Variants in PRR19 observed in about 807,000 individuals in gnomAD.
PRR19 encodes the protein proline rich 19.
In PRR19, 9 loss-of-function variants were observed where a neutral mutation model predicts 19.2. The ratio of observed to expected loss-of-function variants is 0.47; its 90% CI spans 0.28 to 0.82. PRR19 has a LOEUF of 0.82. Ranked by LOEUF, PRR19 falls within the 40% of genes least tolerant of loss-of-function variation. The pLI is 0.11. For synonymous variants in PRR19, 190 were observed against 191.0 expected (o/e 0.99, Z 0.04); for missense variants, 457 against 466.0 (o/e 0.98, Z 0.18).
chr19:42,309,468 C>T lies in PRR19; in HGVS notation c.-6-111C>T, dbSNP rs1721589683. Reference sequence around the variant, plus strand: ...AAGTGATCGGCCTGCCTTGGCCTACCCCAGTGTTGGTATTACAGGCATAAG... The same window carrying T: ...AAGTGATCGGCCTGCCTTGGCCTACTCCAGTGTTGGTATTACAGGCATAAG... On this transcript the variant is annotated intron_variant, in intron 1 of 2. Transcript: ENST00000341747. The T allele has an allele frequency of 5.1e-6, 4 of 788,438 alleles. No individual in the cohort carries two copies. In the South Asian group the frequency reaches 7.7e-5, roughly 15 times the overall value. 48.8% of individuals were successfully genotyped at this position (788,438 alleles called of 1,614,324 possible).
chr19:42,309,634 C>A lies in PRR19; in HGVS notation c.50C>A (p.Pro17His). ...VSQPFQQPEK[P>H]GRVRRRKTRR... ...CAGCCTTTTCAGCAGCCTGAGAAACCTGGTCGTGTCCGTCGTCGGAAGACT... is the reference window on the plus strand; with the variant it reads ...CAGCCTTTTCAGCAGCCTGAGAAACATGGTCGTGTCCGTCGTCGGAAGACT... Residue 17 changes from proline to histidine, a missense_variant, in exon 2 of 3, where the codon CCT becomes CAT. Physicochemically the swap from Pro to His is moderately conservative, Grantham distance 77 (BLOSUM62 -2). Transcript: ENST00000341747. 1 of 1,551,940 alleles carries A rather than the reference C, an allele frequency of 6.4e-7. No homozygotes were observed. The highest frequency in any genetic ancestry group is 8.7e-7 in the Non-Finnish European group (1 of 1,145,306).
chr19:42,302,155 G>C lies in PRR19; in HGVS notation c.-355G>C. On this transcript the variant is annotated 5_prime_UTR_variant, in exon 1 of 3. Coordinates refer to ENST00000341747, the MANE Select transcript of PRR19 (RefSeq NM_199285.3). ...TCAGTTTCCCAATCAGGTAGTGAGA[G>C]TGGCACGAACCAGCCGTTCTCCTGA... is the stretch of plus-strand genomic sequence containing the variant. 1.3e-6 allele frequency: 2 copies of C among 1,495,962 alleles called. No individual in the cohort carries two copies. Among genetic ancestry groups the C allele is most frequent in the Non-Finnish European group, 1.8e-6 (2 of 1,098,426 alleles). 92.7% of individuals were successfully genotyped at this position (1,495,962 alleles called of 1,614,324 possible).
At position 42,310,150 on chromosome 19, in the gene PRR19, C is replaced by T. The variant is rs78579884; in HGVS notation, c.566C>T (p.Ala189Val). The T allele has an allele frequency of 9.0e-5, 145 of 1,614,110 alleles. 2 individuals are homozygous for T. In the African/African-American group the frequency reaches 1.4e-3, roughly 16 times the overall value. The stretch of plus-strand genomic sequence containing the variant: ...TGTCATGGTTGTGTGCCTGACCTTG[C>T]CCTGGTGCTTCGGGGCTGCCAGCCA... ...QACHGCVPDLALVLRGCQPPL... is the reference protein window; with the variant it reads ...QACHGCVPDLVLVLRGCQPPL... Residue 189 changes from alanine to valine, a missense_variant, in exon 2 of 3, where the codon GCC (alanine) becomes GTC (valine). Physicochemically the swap from Ala to Val is moderately conservative, Grantham distance 64 (BLOSUM62 0). Transcript: ENST00000341747.
At chr19:42,309,344 G>A (rs567097916) in intron 1 of PRR19, 1 of 354,388 alleles carries the variant, frequency 2.8e-6, no homozygotes, top group South Asian at 8.5e-5. Flanking sequence ...AAAGTACTAG[G>A]ATTATAGGTA....
At position 42,310,366 on chromosome 19, in the gene PRR19, G is replaced by C. The variant is rs2038777333; in HGVS notation, c.697G>C (p.Gly233Arg). ...GCAGGAGAGGCAAAGGAAGCAACAA[G>C]GGACAAAGGAGTTCACCTTCCCCAT... is the stretch of plus-strand genomic sequence containing the variant. Reference protein sequence around the residue: ...PEQERQRKQQGTKEFTFPMPY... With the variant: ...PEQERQRKQQRTKEFTFPMPY... Residue 233 changes from glycine to arginine, a missense_variant, in exon 3 of 3, where the codon GGG (glycine) becomes CGG (arginine). Coordinates refer to ENST00000341747, the MANE Select transcript of PRR19 (RefSeq NM_199285.3). 6.2e-7 allele frequency: 1 copy of C among 1,614,094 alleles called. No homozygotes were observed. Among genetic ancestry groups the C allele is most frequent in the Non-Finnish European group, 8.5e-7 (1 of 1,179,988 alleles).
intron 1 of PRR19, among the ~76,000 whole-genome samples, chr19:42,303,869 G>A (rs1366176811): frequency 1.3e-5 from 2 of 152,090 alleles, no homozygotes; most frequent in Non-Finnish European, 2.9e-5. Context: ...GGGTTTCCTA[G>A]GAGTAGTATC....
At chr19:42,308,818 G>A (rs1184011419) in intron 1 of PRR19, 2 of 152,252 alleles carry the variant, frequency 1.3e-5, no homozygotes, top group Non-Finnish European at 2.9e-5. Flanking sequence ...CAAAGTGCTA[G>A]GATTACAGAT....
rs2038641673 is a variant in PRR19 at position 42,302,165 on chromosome 19, CCAGCCGTT to C, written c.-343_-336del. The C allele has an allele frequency of 6.6e-7, 1 of 1,508,426 alleles. No homozygotes were observed. Among genetic ancestry groups the C allele is most frequent in the African/African-American group, 1.4e-5 (1 of 72,274 alleles). 93.4% of individuals were successfully genotyped at this position (1,508,426 alleles called of 1,614,324 possible). On this transcript the variant is annotated 5_prime_UTR_variant, in exon 1 of 3. Transcript: ENST00000341747. ...AATCAGGTAGTGAGAGTGGCACGAA[CCAGCCGTT>C]CTCCTGAGCCACCCCCCGCGCCCCC...
intron 1 of PRR19, among the ~76,000 whole-genome samples, chr19:42,307,793 G>A (rs1374501169): frequency 1.1e-5 from 1 of 94,172 alleles, no homozygotes; most frequent in African/African-American, 4.4e-5. Flanking sequence ...AGTCTCGCTC[G>A]GTCATCCAGG....
rs1161574459 is a variant in PRR19 at position 42,302,395 on chromosome 19, T to C, written c.-115T>C. The C allele has an allele frequency of 2.4e-6, 3 of 1,241,784 alleles. No homozygotes were observed. The highest frequency in any genetic ancestry group is 1.5e-5 in the African/African-American group (1 of 67,154). The allele number at this position is 1,241,784 out of a possible 1,614,324, so 76.9% of individuals were successfully genotyped here. A position where few individuals can be genotyped will look rare whatever the true frequency, so the allele number is the denominator to read the frequency against. ...GAGCTGGCTCCGCCACGCCCACTCC[T>C]ACCCCTCGCGGCAACAAAGGACCGT... On this transcript the variant is annotated 5_prime_UTR_variant, in exon 1 of 3. Coordinates refer to ENST00000341747, the MANE Select transcript of PRR19 (RefSeq NM_199285.3).
chr19:42,307,580 T>C (rs1267752904), intron 1 of PRR19, among the ~76,000 whole-genome samples: 1 of 148,698 alleles, frequency 6.7e-6, no homozygotes, highest in Admixed American at 6.8e-5. Context: ...GAGATTACAG[T>C]CATTCACCAC....
chr19:42,308,260 T>C (rs945520117), intron 1 of PRR19, among the ~76,000 whole-genome samples: 2 of 152,030 alleles, frequency 1.3e-5, no homozygotes, highest in African/African-American at 4.8e-5. Flanking sequence ...AAGGTCTCAC[T>C]CTCTTGCCCA....
chr19:42,302,152 A>G lies in PRR19; in HGVS notation c.-358A>G, dbSNP rs938201855. The stretch of plus-strand genomic sequence containing the variant: ...CCCTCAGTTTCCCAATCAGGTAGTG[A>G]GAGTGGCACGAACCAGCCGTTCTCC... On this transcript the variant is annotated 5_prime_UTR_variant, in exon 1 of 3. Transcript: ENST00000341747. 1 of 1,493,014 alleles carries G rather than the reference A, an allele frequency of 6.7e-7. No homozygotes were observed. The highest frequency in any genetic ancestry group is 9.1e-7 in the Non-Finnish European group (1 of 1,095,792). The allele number at this position is 1,493,014 out of a possible 1,614,324, so 92.5% of individuals were successfully genotyped here. A position where few individuals can be genotyped will look rare whatever the true frequency, so the allele number is the denominator to read the frequency against.
chr19:42,306,902 C>CA (rs1218057717), intron 1 of PRR19: 1 of 152,250 alleles, frequency 6.6e-6, no homozygotes, highest in Non-Finnish European at 1.5e-5. Flanking sequence ...TCCGTCCTCT[C>CA]AGAGCCACGA....
At chr19:42,302,547 C>G in intron 1 of PRR19, 44 bp downstream of exon 1, 1 of 483,464 alleles carries the variant, frequency 2.1e-6, no homozygotes, top group South Asian at 2.8e-5. Context: ...GACGGCCGCA[C>G]AGTGGGCTCG....
intron 1 of PRR19, among the ~76,000 whole-genome samples, chr19:42,303,064 G>GGTGTGTGTGTGTGTGTGT: frequency 1.5e-5 from 2 of 134,036 alleles, no homozygotes; most frequent in South Asian, 5.3e-4. Flanking sequence ...AAACACCGTG[G>GGTGTGTGTGTGTGTGTGT]GTGTGTGTGT....
chr19:42,309,761 C>T lies in PRR19; in HGVS notation c.177C>T (p.Ser59=), dbSNP rs758812228. The T allele has an allele frequency of 6.2e-7, 1 of 1,610,650 alleles. No individual in the cohort carries two copies. Among genetic ancestry groups the T allele is most frequent in the East Asian group, 2.2e-5 (1 of 44,764 alleles). ...IRDPPVVPTA[S]KLVVITQGRL... ...ATCCACCTGTGGTCCCTACTGCCTCCAAGCTCGTGGTCATAACCCAGGGCC... is the reference window on the plus strand; with the variant it reads ...ATCCACCTGTGGTCCCTACTGCCTCTAAGCTCGTGGTCATAACCCAGGGCC... The change falls in exon 2 of 3, where the codon TCC becomes TCT. Residue 59 remains serine (S), a synonymous_variant. Transcript: ENST00000341747.
intron 1 of PRR19, among the ~76,000 whole-genome samples, chr19:42,304,478 C>T (rs896054833): frequency 2.4e-4 from 35 of 146,652 alleles, no homozygotes; most frequent in African/African-American, 8.6e-4. Context: ...AAAGGCTGGG[C>T]GCGGTGGCTC....
intron 1 of PRR19, among the ~76,000 whole-genome samples, chr19:42,305,638 A>T (rs1368741111): frequency 6.6e-6 from 1 of 152,208 alleles, no homozygotes; most frequent in African/African-American, 2.4e-5. Context: ...CCTGAAGCAA[A>T]GCTTAGTGAG....
Sources: gnomAD v4.1 joint callset for allele counts (sites outside exome capture counted in the v4.1 genomes callset) on GRCh38, gnomAD v4.1.1 for gene constraint, MANE v1.5 for transcripts, NCBI Gene and HGNC (gene_info 2026-07-23, HGNC 2026-07-21) for gene names.